CPS1: variants seen among roughly 807,000 people sequenced by gnomAD.
CPS1 encodes carbamoyl-phosphate synthase 1, also known as carbamoyl-phosphate synthase [ammonia], mitochondrial.
A neutral mutation model predicts 174.6 loss-of-function variants in CPS1; 109 were observed. That is an observed-to-expected ratio of 0.62 (90% CI 0.53 to 0.73). The LOEUF (loss-of-function observed/expected upper bound fraction) is 0.73, where lower values mean the gene tolerates loss of function less well. Ranked by LOEUF, CPS1 falls within the 30% of genes least tolerant of loss-of-function variation. The pLI is 0.00. For missense variants in CPS1, 1,689 were observed against 1,821.9 expected, an observed-to-expected ratio of 0.93 and a Z score of 1.33; for synonymous variants, 637 against 632.0, an observed-to-expected ratio of 1.01 and a Z score of -0.12.
At position 210,660,515 on chromosome 2, in the gene CPS1, TC is replaced by T; in HGVS notation, c.3789del (p.Phe1264SerfsTer19). On this transcript the variant is annotated frameshift_variant, in exon 32 of 38. Transcript: ENST00000233072. LOFTEE classifies it high-confidence loss of function. ...TGAGTGTAACTTGAGAGCTTCTCGA[TC>T]CTTCCCCTTTGTTTCCAAGACTCTT... ...VIECNLRASRSFPFVSKTLGV... is the reference protein window; with the variant it reads ...VIECNLRASRXFPFVSKTLGV... 6.2e-7 allele frequency: 1 copy of T among 1,614,178 alleles called. No homozygotes were observed. The highest frequency in any genetic ancestry group is 2.2e-5 in the East Asian group (1 of 44,872).
At chr2:210,554,673 C>T (rs1348802878), upstream of CPS1, among the ~76,000 whole-genome samples, 3 of 151,508 alleles carry the variant, frequency 2.0e-5, no homozygotes, top group African/African-American at 7.3e-5. Flanking sequence ...TGCAGCACAC[C>T]AGCATGGCAC....
At chr2:210,492,312 T>C (rs1312250237) in intron 1 of CPS1, among the ~76,000 whole-genome samples, 1 of 152,216 alleles carries the variant, frequency 6.6e-6, no homozygotes, top group Non-Finnish European at 1.5e-5. Context: ...AGTTAATTGC[T>C]ATCGTCCTCT....
intron 21 of CPS1, among the ~76,000 whole-genome samples, chr2:210,629,469 C>T (rs1025726662): frequency 1.3e-5 from 2 of 151,934 alleles, no homozygotes; most frequent in Non-Finnish European, 2.9e-5. Context: ...CGCCTGCCAC[C>T]ACGCCCAGCT....
intron 1 of CPS1, among the ~76,000 whole-genome samples, chr2:210,535,030 C>G (rs764322629): frequency 6.6e-6 from 1 of 152,184 alleles, no homozygotes; most frequent in Non-Finnish European, 1.5e-5. Context: ...TGCTCAGGCT[C>G]TACACCTCAT....
chr2:210,573,784 G>T (rs143218668), intron 2 of CPS1, among the ~76,000 whole-genome samples: 25 of 152,140 alleles, frequency 1.6e-4, no homozygotes, highest in African/African-American at 6.0e-4. Flanking sequence ...ATATTCTAGT[G>T]CTATTTCATT....
intron 5 of CPS1, among the ~76,000 whole-genome samples, chr2:210,581,622 A>G (rs889427498): frequency 3.9e-5 from 6 of 152,190 alleles, no homozygotes; most frequent in African/African-American, 1.4e-4. Context: ...ACAGGCCACC[A>G]TGAAATGTAG....
chr2:210,613,688 C>A (rs1008560734), intron 20 of CPS1, among the ~76,000 whole-genome samples: 9 of 151,836 alleles, frequency 5.9e-5, no homozygotes, highest in Admixed American at 4.0e-4. Context: ...GCAAGCATTT[C>A]CAAGTTCCCA....
In CPS1 at chr2:210,599,313, G is replaced by T. The variant is rs764333207; in HGVS notation, c.1360-59G>T. The stretch of plus-strand genomic sequence containing the variant: ...TTACCCCATGTCTTTTTATTTAAGT[G>T]TGGTCATTCTCTTCTTTAGACCATA... On this transcript the variant is annotated intron_variant, in intron 13 of 37. Transcript: ENST00000233072. 1,197 of 1,502,904 alleles carry T rather than the reference G, an allele frequency of 8.0e-4. 19 individuals carry two copies. Among genetic ancestry groups the T allele is most frequent in the Admixed American group, 6.0e-4 (36 of 59,560 alleles). The allele number at this position is 1,502,904 out of a possible 1,614,324, so 93.1% of individuals were successfully genotyped here. A position where few individuals can be genotyped will look rare whatever the true frequency, so the allele number is the denominator to read the frequency against.
intron 1 of CPS1, among the ~76,000 whole-genome samples, chr2:210,487,397 C>G (rs1456630787): frequency 1.3e-5 from 2 of 152,172 alleles, no homozygotes; most frequent in Non-Finnish European, 2.9e-5. Context: ...ACAACAGATT[C>G]AATATGAGCC....
intron 21 of CPS1, among the ~76,000 whole-genome samples, chr2:210,621,159 C>T (rs182518041): frequency 2.0e-5 from 3 of 152,224 alleles, no homozygotes; most frequent in Non-Finnish European, 4.4e-5. Flanking sequence ...CTGTTCTAGG[C>T]AGTTCCCCAA....
intron 21 of CPS1, among the ~76,000 whole-genome samples, chr2:210,624,969 G>C (rs1281376351): frequency 6.6e-6 from 1 of 151,954 alleles, no homozygotes; most frequent in Non-Finnish European, 1.5e-5. Flanking sequence ...TCTATAAATA[G>C]TCAATAATTA....
chr2:210,618,028 G>A (rs923431858), intron 21 of CPS1: 6 of 151,960 alleles, frequency 3.9e-5, no homozygotes, highest in East Asian at 1.9e-4. Flanking sequence ...CTTGACATAC[G>A]TTCTGATTTT....
chr2:210,588,096 G>T lies in CPS1; in HGVS notation c.660G>T (p.Val220=), dbSNP rs2106103871. ...KVYGKGNPTK[V]VAVDCGIKNN... The stretch of plus-strand genomic sequence containing the variant: ...ACGGCAAAGGAAACCCCACAAAAGT[G>T]GTAGCTGTAGACTGTGGGATTAAAA... The change falls in exon 7 of 38, where the codon GTG becomes GTT. Residue 220 remains valine, a synonymous_variant. Coordinates refer to ENST00000233072, the MANE Select transcript of CPS1 (RefSeq NM_001875.5). The T allele has an allele frequency of 6.2e-7, 1 of 1,612,990 alleles. No individual in the cohort carries two copies. The highest frequency in any genetic ancestry group is 8.5e-7 in the Non-Finnish European group (1 of 1,179,268).
chr2:210,581,496 G>A (rs113663159), intron 5 of CPS1, among the ~76,000 whole-genome samples: 2,185 of 152,146 alleles, frequency 0.014, 52 homozygotes, highest in African/African-American at 0.05. Context: ...AAGTAAGATC[G>A]TATTTCATTC....
At chr2:210,637,540 A>G (rs1208717312) in intron 21 of CPS1, among the ~76,000 whole-genome samples, 162 bp from the exon 22 acceptor site, 1 of 152,158 alleles carries the variant, frequency 6.6e-6, no homozygotes, top group East Asian at 1.9e-4. Flanking sequence ...AGGCTAGAAG[A>G]TTGAGTGGGT....
At chr2:210,595,407 T>A in intron 12 of CPS1, 80 bp from the exon 13 acceptor site, 1 of 973,540 alleles carries the variant, frequency 1.0e-6, no homozygotes, top group African/African-American at 1.6e-5. Context: ...GACAATGTGG[T>A]TTGTCTTCTC....
intron 5 of CPS1, 77 bp from the exon 6 acceptor site, chr2:210,582,540 A>G (rs2106091610): frequency 9.5e-7 from 1 of 1,054,090 alleles, no homozygotes; most frequent in East Asian, 2.4e-5. Context: ...GCAGCTGTTT[A>G]AAGTCCCTGT....
chr2:210,648,675 G>A lies in CPS1; in HGVS notation c.3404+135G>A. On this transcript the variant is annotated intron_variant, in intron 27 of 37. Transcript: ENST00000233072. ...CATTAACAATTTCCAAACCATCACAGCCAGTTTAAGGACCAATGTGTGGTC... is the reference window on the plus strand; with the variant it reads ...CATTAACAATTTCCAAACCATCACAACCAGTTTAAGGACCAATGTGTGGTC... The A allele has an allele frequency of 2.5e-6, 2 of 791,430 alleles. 1 individual carries two copies. Among genetic ancestry groups the A allele is most frequent in the South Asian group, 2.8e-5 (2 of 70,264 alleles). 49.0% of individuals were successfully genotyped at this position (791,430 alleles called of 1,614,324 possible).
intron 25 of CPS1, among the ~76,000 whole-genome samples, chr2:210,645,227 A>C (rs180770051): frequency 6.4e-4 from 98 of 152,246 alleles, no homozygotes; most frequent in African/African-American, 2.2e-3. Flanking sequence ...TGTTACTCTA[A>C]AAGATTCCTG....
Sources: gnomAD v4.1 joint callset for allele counts (sites outside exome capture counted in the v4.1 genomes callset) on GRCh38, gnomAD v4.1.1 for gene constraint, MANE v1.5 for transcripts, NCBI Gene and HGNC (gene_info 2026-07-23, HGNC 2026-07-21) for gene names.